Variants in RCAN2 observed in about 807,000 individuals in gnomAD.
RCAN2 encodes regulator of calcineurin 2, also known as calcipressin-2.
Under a neutral mutation model 23.6 loss-of-function variants are expected in RCAN2, and 9 were observed. The ratio of observed to expected loss-of-function variants is 0.38; its 90% CI spans 0.23 to 0.67. The LOEUF is 0.67. RCAN2 is among the 30% of genes least tolerant of loss of function. RCAN2 has a pLI of 0.51. For synonymous variants in RCAN2, 109 were observed against 115.7 expected (o/e 0.94, Z 0.37); for missense variants, 273 against 302.3 (o/e 0.90, Z 0.72).
intron 2 of RCAN2, among the ~76,000 whole-genome samples, chr6:46,374,396 A>G (rs1765405119): frequency 6.6e-6 from 1 of 152,150 alleles, no homozygotes; most frequent in South Asian, 2.1e-4. Context: ...TTAACATTTC[A>G]TACATGTTGC....
At chr6:46,481,946 T>C (rs955796086) in intron 1 of RCAN2, among the ~76,000 whole-genome samples, 1 of 152,234 alleles carries the variant, frequency 6.6e-6, no homozygotes, top group African/African-American at 2.4e-5. Flanking sequence ...TAGGATATTA[T>C]AAAGGCTGCA....
intron 2 of RCAN2, among the ~76,000 whole-genome samples, chr6:46,379,177 G>T (rs1284907572): frequency 6.6e-6 from 1 of 152,142 alleles, no homozygotes; most frequent in Non-Finnish European, 1.5e-5. Flanking sequence ...GAGGGTGAAG[G>T]TAGTTTGCCA....
intron 4 of RCAN2, among the ~76,000 whole-genome samples, chr6:46,236,138 A>G (rs1021165508): frequency 3.9e-5 from 6 of 152,356 alleles, no homozygotes; most frequent in African/African-American, 1.4e-4. Flanking sequence ...ATCTGATTAC[A>G]TCACACAATA....
At chr6:46,371,995 G>A (rs1402118271) in intron 2 of RCAN2, among the ~76,000 whole-genome samples, 2 of 152,208 alleles carry the variant, frequency 1.3e-5, no homozygotes, top group Non-Finnish European at 2.9e-5. Flanking sequence ...TTTTAAATAT[G>A]TGTTGAACAG....
intron 2 of RCAN2, among the ~76,000 whole-genome samples, chr6:46,430,059 C>T (rs116523476): frequency 1.3e-5 from 2 of 152,148 alleles, no homozygotes; most frequent in Non-Finnish European, 2.9e-5. Context: ...GAATGGGAAG[C>T]TTTGGGTGGG....
At chr6:46,420,799 G>A (rs906067658) in intron 2 of RCAN2, among the ~76,000 whole-genome samples, 2 of 151,750 alleles carry the variant, frequency 1.3e-5, no homozygotes, top group Non-Finnish European at 2.9e-5. Flanking sequence ...TGCCCTCCTC[G>A]GCCCCCCAAA....
At chr6:46,402,429 T>C (rs1766273802) in intron 2 of RCAN2, among the ~76,000 whole-genome samples, 1 of 152,116 alleles carries the variant, frequency 6.6e-6, no homozygotes. Context: ...TCATAGAAAC[T>C]AGAATCCCTC....
intron 1 of RCAN2, among the ~76,000 whole-genome samples, chr6:46,476,815 G>T (rs1341005873): frequency 4.6e-5 from 7 of 152,078 alleles, no homozygotes; most frequent in Non-Finnish European, 1.0e-4. Context: ...TTTTTGGAAA[G>T]CCCCTAGATA....
At chr6:46,315,431 A>G (rs909954666) in intron 2 of RCAN2, among the ~76,000 whole-genome samples, 1 of 152,194 alleles carries the variant, frequency 6.6e-6, no homozygotes, top group African/African-American at 2.4e-5. Flanking sequence ...GTAGTCAGGA[A>G]CAGCTCTATG....
At position 46,248,733 on chromosome 6, in the gene RCAN2, T is replaced by C. The variant is rs1480730298; in HGVS notation, c.389A>G (p.Tyr130Cys). The change falls in exon 3 of 5, where the codon TAC (tyrosine) becomes TGC (cysteine). Residue 130 changes from tyrosine to cysteine, a missense_variant. Physicochemically the swap from Tyr to Cys is radical, Grantham distance 194. Coordinates refer to ENST00000371374, the MANE Select transcript of RCAN2 (RefSeq NM_001251974.2). ...AAACAATTACCTTACCTGTGCAAAG[T>C]AGAGCTTTAATTTTTTCCCTCTGAA... is the stretch of plus-strand genomic sequence containing the variant. ...TQFRGKKLKL[Y>C]FAQVQTPETD... 4 of 1,609,380 alleles carry C rather than the reference T, an allele frequency of 2.5e-6. No individual in the cohort carries two copies. The highest frequency in any genetic ancestry group is 3.4e-6 in the Non-Finnish European group (4 of 1,178,516).
At chr6:46,365,616 T>A (rs956663817) in intron 2 of RCAN2, among the ~76,000 whole-genome samples, 2 of 152,238 alleles carry the variant, frequency 1.3e-5, no homozygotes, top group Non-Finnish European at 2.9e-5. Context: ...AATATTGCTA[T>A]CCTTCAACAG....
rs115387249 is a variant in RCAN2, at chr6:46,324,199, A to G, written c.226-75303T>C. Among the ~76,000 whole-genome samples the G allele has an allele frequency of 7.0e-3, 1,069 of 152,292 alleles. 11 individuals are homozygous for G. The highest frequency in any genetic ancestry group is 0.024 in the African/African-American group (986 of 41,548). ...GACAGTGCCAAACCTTTATGTCCTT[A>G]TTTTCTGAACCTTCATATGACAGGT... On this transcript the variant is annotated intron_variant, in intron 2 of 4. Coordinates refer to ENST00000371374, the MANE Select transcript of RCAN2 (RefSeq NM_001251974.2).
At chr6:46,387,052 T>C (rs1765776547) in intron 2 of RCAN2, among the ~76,000 whole-genome samples, 1 of 152,196 alleles carries the variant, frequency 6.6e-6, no homozygotes, top group Non-Finnish European at 1.5e-5. Flanking sequence ...TAGCCATATG[T>C]AGAAAGTTGA....
At chr6:46,443,262 C>CA (rs1767606026) in intron 2 of RCAN2, among the ~76,000 whole-genome samples, 1 of 152,126 alleles carries the variant, frequency 6.6e-6, no homozygotes, top group African/African-American at 2.4e-5. Context: ...TTCCCACCCT[C>CA]AAGTTCCTAT....
intron 2 of RCAN2, among the ~76,000 whole-genome samples, chr6:46,298,506 T>C (rs1415131833): frequency 6.6e-6 from 1 of 152,126 alleles, no homozygotes; most frequent in African/African-American, 2.4e-5. Context: ...CCAGTACTTA[T>C]GCTAAACCAA....
At chr6:46,399,335 G>A (rs1233772042) in intron 2 of RCAN2, among the ~76,000 whole-genome samples, 1 of 151,598 alleles carries the variant, frequency 6.6e-6, no homozygotes, top group African/African-American at 2.4e-5. Context: ...TGCTTTGAAT[G>A]GCTAATACAC....
At chr6:46,223,440 G>A (rs1396392512) in intron 4 of RCAN2, 139 bp from the exon 5 acceptor site, 2 of 720,098 alleles carry the variant, frequency 2.8e-6, no homozygotes, top group Non-Finnish European at 4.6e-6. Flanking sequence ...ATGGCACAGG[G>A]TGTTGGCAAG....
intron 2 of RCAN2, among the ~76,000 whole-genome samples, chr6:46,430,491 G>GA (rs1767164941): frequency 6.6e-6 from 1 of 152,144 alleles, no homozygotes; most frequent in African/African-American, 2.4e-5. Context: ...ATAGTTGTTA[G>GA]TGTACAGGTG....
At chr6:46,373,392 G>A (rs1316284527) in intron 2 of RCAN2, among the ~76,000 whole-genome samples, 3 of 152,038 alleles carry the variant, frequency 2.0e-5, no homozygotes. Context: ...AGCCTCCTGA[G>A]TAGCGGGGAT....
Sources: gnomAD v4.1 joint callset for allele counts (sites outside exome capture counted in the v4.1 genomes callset) on GRCh38, gnomAD v4.1.1 for gene constraint, MANE v1.5 for transcripts, NCBI Gene and HGNC (gene_info 2026-07-23, HGNC 2026-07-21) for gene names.